Variants in PRKCZ observed in about 807,000 individuals in gnomAD.
PRKCZ encodes protein kinase C zeta type.
Under a neutral mutation model 79.5 loss-of-function variants are expected in PRKCZ, and 33 were observed. The observed-to-expected ratio is 0.41, with a 90% CI of 0.31 to 0.55. PRKCZ has a LOEUF of 0.55. Ranked by LOEUF, PRKCZ falls within the 20% of genes least tolerant of loss-of-function variation. PRKCZ has a pLI of 0.19. For synonymous variants in PRKCZ, 342 were observed against 320.9 expected (o/e 1.07, Z -0.70); for missense variants, 578 against 813.5 (o/e 0.71, Z 3.52).
intron 11 of PRKCZ, among the ~76,000 whole-genome samples, chr1:2,169,859 CAAGG>C (rs914558058): frequency 1.3e-5 from 2 of 151,478 alleles, no homozygotes; most frequent in African/African-American, 4.9e-5. Flanking sequence ...GCAGGGAGCT[CAAGG>C]GAGGGAAGTC....
At chr1:2,076,370 A>G (rs2102343649) in intron 4 of PRKCZ, among the ~76,000 whole-genome samples, 1 of 152,290 alleles carries the variant, frequency 6.6e-6, no homozygotes, top group Middle Eastern at 3.4e-3. Flanking sequence ...ACCCTGAGGC[A>G]TCCCCATCTC....
intron 4 of PRKCZ, among the ~76,000 whole-genome samples, chr1:2,132,750 T>C (rs1675249922): frequency 6.6e-6 from 1 of 152,270 alleles, no homozygotes; most frequent in Non-Finnish European, 1.5e-5. Flanking sequence ...TAATTCCTTC[T>C]AAAATGTTTT....
At chr1:2,161,098 G>A (rs1012109677) in intron 10 of PRKCZ, among the ~76,000 whole-genome samples, 2 of 152,216 alleles carry the variant, frequency 1.3e-5, no homozygotes, top group Non-Finnish European at 2.9e-5. Context: ...GTGTGCTGGA[G>A]TCATGGGAGC....
chr1:2,050,401 G>C (rs1659527747), upstream of PRKCZ: 1 of 177,654 alleles, frequency 5.6e-6, no homozygotes, highest in Non-Finnish European at 1.2e-5. Flanking sequence ...GCTCCACCTC[G>C]GTCCGCCATG....
At chr1:2,160,467 A>G (rs1682023678) in intron 10 of PRKCZ, among the ~76,000 whole-genome samples, 1 of 151,958 alleles carries the variant, frequency 6.6e-6, no homozygotes, top group Non-Finnish European at 1.5e-5. Flanking sequence ...CTCATGGGGG[A>G]CAGGCCTGTG....
At chr1:2,100,315 G>A (rs983987337) in intron 4 of PRKCZ, among the ~76,000 whole-genome samples, 9 of 152,242 alleles carry the variant, frequency 5.9e-5, no homozygotes, top group African/African-American at 1.2e-4. Flanking sequence ...TGGAGGCAGC[G>A]TCTTCACCGC....
intron 4 of PRKCZ, among the ~76,000 whole-genome samples, chr1:2,114,809 G>T (rs539256815): frequency 2.6e-5 from 4 of 152,290 alleles, no homozygotes; most frequent in African/African-American, 9.6e-5. Flanking sequence ...AAGCTAAGAT[G>T]CAGCAGGTGG....
rs915487181 is a variant in PRKCZ, at chr1:2,093,804, C to T, written c.334+34213C>T. The stretch of plus-strand genomic sequence containing the variant: ...GGTGCCTCCTCCCTGCGGCCTGCCC[C>T]GCCTGTGCTTGGAGCTGCATCGGGC... On this transcript the variant is annotated intron_variant, in intron 4 of 17. Transcript: ENST00000378567. Among the ~76,000 whole-genome samples, 37 of 152,078 alleles carry T rather than the reference C, an allele frequency of 2.4e-4. 1 individual carries two copies. The highest frequency in any genetic ancestry group is 1.9e-3 in the South Asian group (9 of 4,814).
Position 2,172,642 on chromosome 1 carries a change from G to A in PRKCZ, c.1285+254G>A, listed in dbSNP as rs925592012. Among the ~76,000 whole-genome samples the A allele has an allele frequency of 6.6e-6, 1 of 152,212 alleles. No homozygotes were observed. Among genetic ancestry groups the A allele is most frequent in the African/African-American group, 2.4e-5 (1 of 41,458 alleles). On this transcript the variant is annotated intron_variant, in intron 13 of 17. Coordinates refer to ENST00000378567, the MANE Select transcript of PRKCZ (RefSeq NM_002744.6). The surrounding 1 kb of genome is among the most constrained non-coding windows in gnomAD (Gnocchi z 7.8). ...CCTGCCAGGGAGCCCCGGGGCACAG[G>A]GAGGGGAAAGACACAGAAAGCGGGG...
At chr1:2,152,824 C>T (rs1228920697) in intron 9 of PRKCZ, among the ~76,000 whole-genome samples, 1 of 152,252 alleles carries the variant, frequency 6.6e-6, no homozygotes, top group Non-Finnish European at 1.5e-5. Context: ...TCAGGCCTTC[C>T]TCTCTCTGCC....
chr1:2,051,527 G>A (rs1445942306), intron 1 of PRKCZ, among the ~76,000 whole-genome samples: 1 of 152,250 alleles, frequency 6.6e-6, no homozygotes, highest in African/African-American at 2.4e-5. Flanking sequence ...GAGGGTGGCT[G>A]CTGCTGCAGA....
chr1:2,151,355 G>A (rs866251952), intron 9 of PRKCZ, among the ~76,000 whole-genome samples: 3 of 152,382 alleles, frequency 2.0e-5, no homozygotes, highest in Non-Finnish European at 1.5e-5. Context: ...TAGAAAAGGT[G>A]AAGATGGGTA....
At chr1:2,181,776 G>A in intron 16 of PRKCZ, 1 of 454,524 alleles carries the variant, frequency 2.2e-6, no homozygotes. Flanking sequence ...AGCAGCACAG[G>A]ACTAAGGTAG....
At chr1:2,144,656 T>C in intron 6 of PRKCZ, 2 of 1,148,668 alleles carry the variant, frequency 1.7e-6, no homozygotes, top group Non-Finnish European at 2.2e-6. Context: ...GAACCAGCTC[T>C]TAAGGACTGT....
At chr1:2,155,960 G>C in intron 9 of PRKCZ, 35 bp from the exon 10 acceptor site, 1 of 1,586,690 alleles carries the variant, frequency 6.3e-7, no homozygotes, top group Non-Finnish European at 8.7e-7. Context: ...GGAGCATTCG[G>C]GAGCCTCATT....
intron 4 of PRKCZ, among the ~76,000 whole-genome samples, chr1:2,085,540 A>G (rs181428100): frequency 1.4e-3 from 209 of 152,362 alleles, no homozygotes; most frequent in African/African-American, 4.7e-3. Flanking sequence ...TTGTCCTCTG[A>G]AGATGCCTGC....
chr1:2,109,166 T>C (rs1217933805), intron 4 of PRKCZ, among the ~76,000 whole-genome samples: 1 of 152,060 alleles, frequency 6.6e-6, no homozygotes, highest in Non-Finnish European at 1.5e-5. Context: ...GGTGACACAG[T>C]CTTGGGTCCC....
chr1:2,179,959 G>A (rs948586676), intron 16 of PRKCZ, among the ~76,000 whole-genome samples: 38 of 152,324 alleles, frequency 2.5e-4, no homozygotes, highest in African/African-American at 8.7e-4. Flanking sequence ...AGAGATGGCT[G>A]GGTCTGGGCA....
chr1:2,127,394 GC>G lies in PRKCZ; in HGVS notation c.335-7860del, dbSNP rs560988755. Reference sequence around the variant, plus strand: ...CAGATGGAGGGGCTGCACCTCCACTGCCCCCCCCACCGCCGCCCCTGCCCCA... The same window carrying G: ...CAGATGGAGGGGCTGCACCTCCACTGCCCCCCCACCGCCGCCCCTGCCCCA... On this transcript the variant is annotated intron_variant, in intron 4 of 17. Transcript: ENST00000378567. This position sits in a 1 kb window ranked among gnomAD's most constrained non-coding sequence, Gnocchi z 5.1. 0.021 allele frequency among the ~76,000 whole-genome samples: 3,214 copies of G among 151,386 alleles called. 121 individuals carry two copies. The highest frequency in any genetic ancestry group is 0.071 in the African/African-American group (2,936 of 41,194).
Sources: allele counts gnomAD v4.1 joint callset (sites outside exome capture counted in the v4.1 genomes callset), GRCh38; gene constraint gnomAD v4.1.1; non-coding constraint Gnocchi (gnomAD v3.1); transcripts MANE v1.5; gene names NCBI Gene and HGNC (gene_info 2026-07-23, HGNC 2026-07-21).